The following MSRB3 variants were observed in gnomAD, a reference collection of about 807,000 sequenced individuals.
MSRB3 encodes methionine sulfoxide reductase B3.
Under a neutral mutation model 21.0 loss-of-function variants are expected in MSRB3, and 13 were observed. The ratio of observed to expected loss-of-function variants is 0.62; its 90% CI spans 0.40 to 0.98. The LOEUF is 0.98. MSRB3 is among the 50% of genes least tolerant of loss of function. MSRB3 has a pLI of 0.00. For missense variants in MSRB3, 199 were observed against 230.3 expected, an observed-to-expected ratio of 0.86 and a Z score of 0.88; for synonymous variants, 87 against 88.6, an observed-to-expected ratio of 0.98 and a Z score of 0.10.
At chr12:65,430,982 T>C (rs117552006) in intron 5 of MSRB3, among the ~76,000 whole-genome samples, 10 of 152,246 alleles carry the variant, frequency 6.6e-5, no homozygotes, top group Non-Finnish European at 1.3e-4. Context: ...CTTGTTTTGC[T>C]TAAAATTTGC....
intron 4 of MSRB3, among the ~76,000 whole-genome samples, chr12:65,334,667 T>A (rs1253629753): frequency 1.3e-5 from 2 of 152,082 alleles, no homozygotes; most frequent in African/African-American, 4.8e-5. Flanking sequence ...TCATGGCAGG[T>A]CATCAAGAAG....
At chr12:65,445,533 T>C (rs190375028) in intron 5 of MSRB3, among the ~76,000 whole-genome samples, 8 of 151,856 alleles carry the variant, frequency 5.3e-5, no homozygotes, top group African/African-American at 1.9e-4. Context: ...TTTTGAATAG[T>C]ATATTGTATT....
intron 6 of MSRB3, among the ~76,000 whole-genome samples, chr12:65,454,566 C>T (rs1377886606): frequency 6.6e-6 from 1 of 152,166 alleles, no homozygotes; most frequent in Non-Finnish European, 1.5e-5. Flanking sequence ...TCAAGGAAGA[C>T]CTCAGAAATG....
At chr12:65,279,111 C>T in intron 1 of MSRB3, 4 of 1,381,804 alleles carry the variant, frequency 2.9e-6, no homozygotes, top group South Asian at 1.6e-5. Flanking sequence ...AGGGAGGCGT[C>T]TGGCAGCCTC....
At chr12:65,415,681 A>G (rs2136632665) in intron 5 of MSRB3, among the ~76,000 whole-genome samples, 1 of 152,324 alleles carries the variant, frequency 6.6e-6, no homozygotes, top group Non-Finnish European at 1.5e-5. Flanking sequence ...CTGGTAAAAT[A>G]TAAGGTTGTA....
At chr12:65,367,456 A>G (rs1409752567) in intron 4 of MSRB3, among the ~76,000 whole-genome samples, 4 of 152,388 alleles carry the variant, frequency 2.6e-5, no homozygotes, top group Non-Finnish European at 5.9e-5. Context: ...GCTTCTATAC[A>G]GTTAAGAAGG....
At chr12:65,302,458 GTT>G (rs1424546138) in intron 1 of MSRB3, among the ~76,000 whole-genome samples, 1 of 152,232 alleles carries the variant, frequency 6.6e-6, no homozygotes, top group East Asian at 1.9e-4. Flanking sequence ...TTAAGCTAAT[GTT>G]TTTTAACAGC....
At chr12:65,365,137 T>C (rs1296226777) in intron 4 of MSRB3, among the ~76,000 whole-genome samples, 2 of 152,212 alleles carry the variant, frequency 1.3e-5, no homozygotes, top group African/African-American at 2.4e-5. Context: ...TATCTTGTTT[T>C]TGGCCTTCTG....
chr12:65,421,344 T>A lies in MSRB3; in HGVS notation c.293-32384T>A, dbSNP rs116908356. On this transcript the variant is annotated intron_variant, in intron 5 of 6. Coordinates refer to ENST00000308259, the MANE Select transcript of MSRB3 (RefSeq NM_001031679.3). ...TTTCTTGTACATTTGTTTAAGTTTC[T>A]TACAGGTGCTGGCTATTGGGCCTTT... 3.9e-3 allele frequency among the ~76,000 whole-genome samples: 596 copies of A among 152,346 alleles called. 14 individuals are homozygous for A. In the East Asian group the frequency reaches 0.05, roughly 13 times the overall value.
chr12:65,462,653 G>T (rs1298256236), intron 6 of MSRB3, among the ~76,000 whole-genome samples: 1 of 152,164 alleles, frequency 6.6e-6, no homozygotes, highest in Non-Finnish European at 1.5e-5. Flanking sequence ...GCTTCGCTGG[G>T]TTCCAAGAAC....
chr12:65,351,100 A>G (rs1330120882), intron 4 of MSRB3, among the ~76,000 whole-genome samples: 2 of 152,226 alleles, frequency 1.3e-5, no homozygotes, highest in African/African-American at 4.8e-5. Context: ...GACAGAAATT[A>G]TAACAAACTA....
intron 5 of MSRB3, among the ~76,000 whole-genome samples, chr12:65,437,819 C>T (rs890044813): frequency 6.6e-6 from 1 of 151,904 alleles, no homozygotes; most frequent in African/African-American, 2.4e-5. Flanking sequence ...CATTCCTGAT[C>T]AGTTGGATCT....
chr12:65,332,700 T>C (rs1875509205), intron 4 of MSRB3, among the ~76,000 whole-genome samples: 1 of 152,174 alleles, frequency 6.6e-6, no homozygotes, highest in Non-Finnish European at 1.5e-5. Flanking sequence ...TTAAAGTATA[T>C]GTGTGTGTGC....
At chr12:65,404,319 A>G (rs1451822457) in intron 5 of MSRB3, among the ~76,000 whole-genome samples, 2 of 152,250 alleles carry the variant, frequency 1.3e-5, no homozygotes, top group Non-Finnish European at 2.9e-5. Context: ...AAATAACACC[A>G]TACCACTTTG....
At chr12:65,392,521 A>G (rs549611871) in intron 5 of MSRB3, among the ~76,000 whole-genome samples, 2 of 152,140 alleles carry the variant, frequency 1.3e-5, no homozygotes, top group Non-Finnish European at 2.9e-5. Flanking sequence ...CAATTTGTAC[A>G]ACTGGTCTTT....
chr12:65,317,829 AGCC>A (rs1874397453), intron 2 of MSRB3, among the ~76,000 whole-genome samples: 1 of 152,336 alleles, frequency 6.6e-6, no homozygotes, highest in East Asian at 1.9e-4. Context: ...TAAGAAACAT[AGCC>A]AAGATCATTA....
intron 4 of MSRB3, among the ~76,000 whole-genome samples, chr12:65,328,821 C>A (rs1875224950): frequency 6.6e-6 from 1 of 152,036 alleles, no homozygotes; most frequent in African/African-American, 2.4e-5. Context: ...TTTAAAATAC[C>A]CAACATTAAC....
chr12:65,358,036 C>T (rs563599797), intron 4 of MSRB3, among the ~76,000 whole-genome samples: 2 of 152,056 alleles, frequency 1.3e-5, no homozygotes, highest in African/African-American at 4.8e-5. Flanking sequence ...TCCTTGAAGG[C>T]AGAGTATCTC....
At chr12:65,357,225 T>C (rs1877438630) in intron 4 of MSRB3, among the ~76,000 whole-genome samples, 1 of 151,870 alleles carries the variant, frequency 6.6e-6, no homozygotes, top group Non-Finnish European at 1.5e-5. Context: ...AGTCTACCAA[T>C]GCATTTTGCT....
Sources: gnomAD v4.1 joint callset for allele counts (sites outside exome capture counted in the v4.1 genomes callset) on GRCh38, gnomAD v4.1.1 for gene constraint, MANE v1.5 for transcripts, NCBI Gene and HGNC (gene_info 2026-07-23, HGNC 2026-07-21) for gene names.